HECTD2: variants seen among roughly 807,000 people sequenced by gnomAD.
HECTD2 encodes the protein probable E3 ubiquitin-protein ligase HECTD2.
HECTD2 carries 35 observed loss-of-function variants against 103.2 expected under a neutral mutation model. The observed-to-expected ratio is 0.34, with a 90% CI of 0.26 to 0.45. HECTD2 has a LOEUF of 0.45. Among genes scored for constraint, HECTD2 ranks in the 20% least tolerant of loss-of-function variants. The pLI, the probability that HECTD2 is intolerant of heterozygous loss-of-function variation, is 1.00. For missense variants in HECTD2, 596 were observed against 937.4 expected (o/e 0.64, Z 4.76); for synonymous variants, 281 against 329.9 (o/e 0.85, Z 1.61).
chr10:91,429,719 G>C (rs1023315898), intron 2 of HECTD2, among the ~76,000 whole-genome samples: 6 of 151,918 alleles, frequency 3.9e-5, no homozygotes, highest in Admixed American at 6.6e-5. Flanking sequence ...GGGATCAGTG[G>C]TGATATCCCC....
At chr10:91,425,236 T>C (rs770457724) in intron 1 of HECTD2, 45 bp from the exon 2 acceptor site, 2 of 1,348,632 alleles carry the variant, frequency 1.5e-6, no homozygotes, top group African/African-American at 3.0e-5. Context: ...AAATAATTTA[T>C]AGGTAGTAGG....
chr10:91,493,376 A>C (rs766909985), intron 13 of HECTD2, 44 bp from the exon 14 acceptor site: 11 of 1,064,942 alleles, frequency 1.0e-5, no homozygotes. Context: ...TGATTTTTTT[A>C]AGTCAATCAT....
intron 2 of HECTD2, among the ~76,000 whole-genome samples, chr10:91,459,131 C>T (rs568192221): frequency 2.6e-5 from 4 of 152,050 alleles, no homozygotes; most frequent in African/African-American, 7.2e-5. Flanking sequence ...AGCTGTTCAA[C>T]CTCATTAACC....
chr10:91,475,963 C>A (rs1028840997), intron 5 of HECTD2, among the ~76,000 whole-genome samples: 2 of 152,150 alleles, frequency 1.3e-5, no homozygotes, highest in East Asian at 3.9e-4. Flanking sequence ...ACTCTCTTTT[C>A]TTTTCTGCTA....
At chr10:91,508,037 A>C (rs1847264481) in intron 20 of HECTD2, among the ~76,000 whole-genome samples, 1 of 126,464 alleles carries the variant, frequency 7.9e-6, no homozygotes. Flanking sequence ...TTCCCTATTT[A>C]ATAAATGGTG....
rs1311990025 is a variant in HECTD2 at position 91,491,086 on chromosome 10, TTATA to T, written c.1192-111_1192-108del. The T allele has an allele frequency of 6.4e-5, 33 of 515,424 alleles. No homozygotes were observed. In the East Asian group the frequency reaches 8.5e-4, roughly 13 times the overall value. 31.9% of individuals were successfully genotyped at this position (515,424 alleles called of 1,614,324 possible). A position where few individuals can be genotyped will look rare whatever the true frequency, so the allele number is the denominator to read the frequency against. ...GTATAATTGATTTTTATAAAATTGT[TTATA>T]TAAGAAATGGCATAGATAATAATTG... On this transcript the variant is annotated intron_variant, in intron 11 of 20. Coordinates refer to ENST00000298068, the MANE Select transcript of HECTD2 (RefSeq NM_182765.6).
intron 2 of HECTD2, among the ~76,000 whole-genome samples, chr10:91,456,432 C>CT (rs1845096888): frequency 6.6e-6 from 1 of 152,078 alleles, no homozygotes; most frequent in Non-Finnish European, 1.5e-5. Context: ...TTTTTGTATC[C>CT]TGAGACTTTG....
At chr10:91,482,021 T>C (rs1846106294) in intron 7 of HECTD2, among the ~76,000 whole-genome samples, 1 of 151,338 alleles carries the variant, frequency 6.6e-6, no homozygotes, top group Admixed American at 6.6e-5. Flanking sequence ...AATAGAGAAG[T>C]AAGAGGAGAA....
chr10:91,473,636 T>TC (rs1311021630), intron 5 of HECTD2, among the ~76,000 whole-genome samples: 1 of 152,186 alleles, frequency 6.6e-6, no homozygotes, highest in African/African-American at 2.4e-5. Flanking sequence ...TTCAGCCTCC[T>TC]CCTTAGCCTA....
chr10:91,475,353 G>T (rs1845864423), intron 5 of HECTD2, among the ~76,000 whole-genome samples: 1 of 152,222 alleles, frequency 6.6e-6, no homozygotes, highest in South Asian at 2.1e-4. Context: ...AGGCAAGAAA[G>T]ACAGGAAACT....
intron 2 of HECTD2, among the ~76,000 whole-genome samples, chr10:91,454,790 A>C (rs113116194): frequency 0.096 from 14,531 of 151,634 alleles, 1,496 homozygotes; most frequent in African/African-American, 0.26. Context: ...TCATTGTTCA[A>C]TTTCCACCTG....
chr10:91,449,336 A>T (rs975229512), intron 2 of HECTD2, among the ~76,000 whole-genome samples: 1 of 152,176 alleles, frequency 6.6e-6, no homozygotes, highest in Admixed American at 6.5e-5. Flanking sequence ...CCTCGATAAA[A>T]TTCAACACTT....
chr10:91,463,540 A>G (rs1447166286), intron 5 of HECTD2: 1 of 152,152 alleles, frequency 6.6e-6, no homozygotes, highest in Non-Finnish European at 1.5e-5. Context: ...TGTGTACACA[A>G]TCTTGTCATT....
At chr10:91,415,193 A>AGAGTGTGTGTGTGTGTGT (rs1554864255) in intron 1 of HECTD2, among the ~76,000 whole-genome samples, 1 of 141,624 alleles carries the variant, frequency 7.1e-6, no homozygotes, top group Non-Finnish European at 1.5e-5. Flanking sequence ...AATTAGAGAA[A>AGAGTGTGTGTGTGTGTGT]GTGTGTGTGT....
At chr10:91,473,541 A>G (rs965649426) in intron 5 of HECTD2, among the ~76,000 whole-genome samples, 1 of 152,208 alleles carries the variant, frequency 6.6e-6, no homozygotes, top group African/African-American at 2.4e-5. Context: ...CTTACACATC[A>G]TGGGTTTGAA....
At position 91,501,338 on chromosome 10, in the gene HECTD2, A is replaced by T; in HGVS notation, c.2210+4A>T. ...AGAATGAAACTTCTACTAACTGGTA[A>T]ATTTCTGGATCTAATTTTATTTTAA... On this transcript the variant is annotated splice_donor_region_variant and intron_variant, in intron 20 of 20. Transcript: ENST00000298068. 6.4e-7 allele frequency: 1 copy of T among 1,565,500 alleles called. No homozygotes were observed. Among genetic ancestry groups the T allele is most frequent in the Non-Finnish European group, 8.7e-7 (1 of 1,151,256 alleles).
Position 91,460,476 on chromosome 10 carries a change from A to G in HECTD2, c.318A>G (p.Thr106=). 6.2e-7 allele frequency: 1 copy of G among 1,612,368 alleles called. No homozygotes were observed. ...ICLDVRQKQR[T]SMDASSSEMK... ...TTGATGTTAGACAAAAACAGCGTACATCTATGGATGCATCATCATCCGAAA... is the reference window on the plus strand; with the variant it reads ...TTGATGTTAGACAAAAACAGCGTACGTCTATGGATGCATCATCATCCGAAA... The change falls in exon 3 of 21, where the codon ACA becomes ACG. Residue 106 remains threonine (T), a synonymous_variant. Coordinates refer to ENST00000298068, the MANE Select transcript of HECTD2 (RefSeq NM_182765.6).
chr10:91,444,581 A>T (rs1273128749), intron 2 of HECTD2, among the ~76,000 whole-genome samples: 2 of 152,206 alleles, frequency 1.3e-5, no homozygotes, highest in African/African-American at 4.8e-5. Flanking sequence ...ACATTCAGCT[A>T]TTAAGAAAAG....
intron 20 of HECTD2, among the ~76,000 whole-genome samples, chr10:91,503,543 C>G (rs1847001798): frequency 6.6e-6 from 1 of 152,210 alleles, no homozygotes; most frequent in Non-Finnish European, 1.5e-5. Context: ...TCGGGTCACT[C>G]CCACCCGAAT....
Sources: gnomAD v4.1 joint callset for allele counts (sites outside exome capture counted in the v4.1 genomes callset) on GRCh38, gnomAD v4.1.1 for gene constraint, MANE v1.5 for transcripts, NCBI Gene and HGNC (gene_info 2026-07-23, HGNC 2026-07-21) for gene names.